LIMCH1: variants seen among roughly 807,000 people sequenced by gnomAD.
LIMCH1 encodes the protein LIM and calponin homology domains 1, also known as LIM and calponin homology domains-containing protein 1.
In LIMCH1, 113 loss-of-function variants were observed where a neutral mutation model predicts 176.5. That is an observed-to-expected ratio of 0.64 (90% CI 0.55 to 0.75). The LOEUF (loss-of-function observed/expected upper bound fraction) is 0.75, where lower values mean the gene tolerates loss of function less well. LIMCH1 is among the 30% of genes least tolerant of loss of function. The pLI is 0.00. For missense variants in LIMCH1, 1,674 were observed against 1,814.9 expected (o/e 0.92, Z 1.41); for synonymous variants, 619 against 645.9 (o/e 0.96, Z 0.63).
intron 14 of LIMCH1, among the ~76,000 whole-genome samples, chr4:41,641,872 G>A (rs774599954): frequency 1.3e-5 from 2 of 152,194 alleles, no homozygotes; most frequent in Admixed American, 6.5e-5. Context: ...AAGGGCAAAC[G>A]AGTTTCTCCT....
At chr4:41,689,462 G>A in intron 29 of LIMCH1, 65 bp from the exon 30 acceptor site, 1 of 836,448 alleles carries the variant, frequency 1.2e-6, no homozygotes, top group Non-Finnish European at 2.1e-6. Flanking sequence ...GAGGTTACAT[G>A]TCTGTGTGTT....
At chr4:41,566,493 A>G (rs1483760217) in intron 1 of LIMCH1, among the ~76,000 whole-genome samples, 2 of 150,590 alleles carry the variant, frequency 1.3e-5, no homozygotes, top group Admixed American at 6.6e-5. Flanking sequence ...TGGGGGAGAC[A>G]TGATGAAATA....
intron 1 of LIMCH1, among the ~76,000 whole-genome samples, chr4:41,390,273 A>AGAGAGCGAGAGC (rs1302651496): frequency 1.3e-5 from 2 of 150,492 alleles, no homozygotes; most frequent in African/African-American, 4.9e-5. Flanking sequence ...AGAGAGAGAG[A>AGAGAGCGAGAGC]GCGAGAGCGC....
chr4:41,473,029 A>G lies in LIMCH1; in HGVS notation c.97-21507A>G, dbSNP rs181442607. 27 of 984,994 alleles carry G rather than the reference A, an allele frequency of 2.7e-5. No individual in the cohort carries two copies. In the African/African-American group the frequency reaches 4.4e-4, roughly 16 times the overall value. The allele number at this position is 984,994 out of a possible 1,614,324, so 61.0% of individuals were successfully genotyped here. A position where few individuals can be genotyped will look rare whatever the true frequency, so the allele number is the denominator to read the frequency against. On this transcript the variant is annotated intron_variant, in intron 1 of 26. Coordinates refer to the LIMCH1 transcript ENST00000313860. ...GGCCAGAGAATAAATGCGAAGGCCAATCTCCACGAAATAATAATGTAATTC... is the reference window on the plus strand; with the variant it reads ...GGCCAGAGAATAAATGCGAAGGCCAGTCTCCACGAAATAATAATGTAATTC...
At position 41,644,688 on chromosome 4, in the gene LIMCH1, G is replaced by C. The variant is rs2093987204; in HGVS notation, c.2253+62G>C. 3.2e-6 allele frequency: 5 copies of C among 1,558,824 alleles called. No homozygotes were observed. In the South Asian group the frequency reaches 4.9e-5, roughly 15 times the overall value. On this transcript the variant is annotated intron_variant, in intron 15 of 31. Coordinates refer to ENST00000503057, the MANE Select transcript of LIMCH1 (RefSeq NM_001330672.2). ...CTTCTGGCAGCAGAAAATCCAGCCG[G>C]GTGGGTAGACGTGGACTTGAAAGCC...
intron 1 of LIMCH1, among the ~76,000 whole-genome samples, chr4:41,570,712 G>A (rs2083426979): frequency 6.6e-6 from 1 of 152,134 alleles, no homozygotes; most frequent in African/African-American, 2.4e-5. Flanking sequence ...TAACATTTAG[G>A]CAAAGGTTAA....
At chr4:41,408,872 C>T (rs2059229903) in intron 1 of LIMCH1, among the ~76,000 whole-genome samples, 2 of 152,190 alleles carry the variant, frequency 1.3e-5, no homozygotes, top group South Asian at 4.1e-4. Context: ...ATAGAATCTT[C>T]TAGCACTTAA....
At chr4:41,546,011 G>GA (rs2079331421) in intron 1 of LIMCH1, among the ~76,000 whole-genome samples, 1 of 152,074 alleles carries the variant, frequency 6.6e-6, no homozygotes, top group Non-Finnish European at 1.5e-5. Flanking sequence ...CATTCATCAA[G>GA]ATTTCCCAGG....
At position 41,652,910 on chromosome 4, in the gene LIMCH1, T is replaced by C. The variant is rs62410230; in HGVS notation, c.3036+2302T>C. On this transcript the variant is annotated intron_variant, in intron 18 of 31. Coordinates refer to ENST00000503057, the MANE Select transcript of LIMCH1 (RefSeq NM_001330672.2). Reference sequence around the variant, plus strand: ...CTAAACTCAGAAAAGCCTGGGAGTCTTTTCCTTTTGTGTATTTCTTCCTTG... The same window carrying C: ...CTAAACTCAGAAAAGCCTGGGAGTCCTTTCCTTTTGTGTATTTCTTCCTTG... Among the ~76,000 whole-genome samples, 257 of 152,302 alleles carry C rather than the reference T, an allele frequency of 1.7e-3. 1 individual carries two copies. The highest frequency in any genetic ancestry group is 2.7e-3 in the Non-Finnish European group (183 of 68,012).
chr4:41,383,143 A>C lies in LIMCH1; in HGVS notation c.96+22207A>C, dbSNP rs557013140. ...CCATCTTATATTTGAACTAATAATC[A>C]GTTGTAAGTCTGTCTCTTCCATATT... On this transcript the variant is annotated intron_variant, in intron 1 of 26. Coordinates refer to the LIMCH1 transcript ENST00000313860. Among the ~76,000 whole-genome samples the C allele has an allele frequency of 6.7e-4, 102 of 152,294 alleles. 1 individual carries two copies. Among genetic ancestry groups the C allele is most frequent in the African/African-American group, 2.4e-3 (99 of 41,558 alleles).
chr4:41,571,874 C>G (rs1390746956), intron 1 of LIMCH1, among the ~76,000 whole-genome samples: 1 of 152,090 alleles, frequency 6.6e-6, no homozygotes, highest in African/African-American at 2.4e-5. Context: ...CCTCAGAAAC[C>G]TTTATTCTTA....
At chr4:41,596,385 G>A (rs2088820853) in intron 1 of LIMCH1, among the ~76,000 whole-genome samples, 1 of 152,064 alleles carries the variant, frequency 6.6e-6, no homozygotes, top group Non-Finnish European at 1.5e-5. Flanking sequence ...AAGTCTGGAA[G>A]CAAGTAAGAC....
chr4:41,695,378 G>C (rs1361796177), intron 31 of LIMCH1, among the ~76,000 whole-genome samples: 1 of 149,754 alleles, frequency 6.7e-6, no homozygotes, highest in Non-Finnish European at 1.5e-5. Context: ...GATTGTATTT[G>C]GGGGTAAAAA....
chr4:41,462,468 T>G (rs1239318298), intron 1 of LIMCH1, among the ~76,000 whole-genome samples: 1 of 152,076 alleles, frequency 6.6e-6, no homozygotes. Context: ...TCTAACATCA[T>G]GAAGGTTAAA....
chr4:41,369,314 T>C (rs10022323), intron 1 of LIMCH1, among the ~76,000 whole-genome samples: 67,922 of 151,918 alleles, frequency 0.45, 16,886 homozygotes, highest in African/African-American at 0.68. Flanking sequence ...TGGGAAACCC[T>C]TTCTGACATA....
Position 41,481,724 on chromosome 4 carries a change from C to G in LIMCH1, c.97-12812C>G, listed in dbSNP as rs142235472. Among the ~76,000 whole-genome samples, 4 of 152,004 alleles carry G rather than the reference C, an allele frequency of 2.6e-5. No homozygotes were observed. The East Asian group carries it at 7.7e-4, about 29-fold the overall frequency. ...ATTCTTCTTGGTGGTTTGAATGTAT[C>G]TCTGTGTTACTCGGGGAGGGAGATG... On this transcript the variant is annotated intron_variant, in intron 1 of 26. Coordinates refer to the LIMCH1 transcript ENST00000313860.
intron 1 of LIMCH1, among the ~76,000 whole-genome samples, chr4:41,583,531 G>C (rs916682669): frequency 2.0e-5 from 3 of 152,180 alleles, no homozygotes; most frequent in African/African-American, 7.2e-5. Flanking sequence ...AGTATCCATG[G>C]AAAATTTATT....
chr4:41,496,528 A>G (rs1172260930), intron 2 of LIMCH1, among the ~76,000 whole-genome samples: 1 of 152,122 alleles, frequency 6.6e-6, no homozygotes, highest in African/African-American at 2.4e-5. Flanking sequence ...AATGCACACA[A>G]ATTTCTAGGC....
chr4:41,611,173 A>G (rs951724982), intron 4 of LIMCH1, among the ~76,000 whole-genome samples: 24 of 151,676 alleles, frequency 1.6e-4, no homozygotes, highest in Non-Finnish European at 5.9e-5. Context: ...GTGTAGATGC[A>G]CAAATACCAT....
Sources: allele counts gnomAD v4.1 joint callset (sites outside exome capture counted in the v4.1 genomes callset), GRCh38; gene constraint gnomAD v4.1.1; transcripts MANE v1.5; gene names NCBI Gene and HGNC (gene_info 2026-07-23, HGNC 2026-07-21).